The following NUP37 variants were observed in gnomAD, a reference collection of about 807,000 sequenced individuals.
NUP37 encodes the protein nucleoporin Nup37.
NUP37 carries 33 observed loss-of-function variants against 45.4 expected under a neutral mutation model. The ratio of observed to expected loss-of-function variants is 0.73; its 90% confidence interval spans 0.55 to 0.97. The LOEUF (loss-of-function observed/expected upper bound fraction) is 0.97, where lower values mean the gene tolerates loss of function less well. Ranked by LOEUF, NUP37 falls within the 50% of genes least tolerant of loss-of-function variation. The pLI, the probability that NUP37 is intolerant of heterozygous loss-of-function variation, is 0.00. For missense variants in NUP37, 365 were observed against 389.7 expected (o/e 0.94, Z 0.53); for synonymous variants, 127 against 130.7 (o/e 0.97, Z 0.19).
chr12:102,076,688 A>G lies in NUP37; in HGVS notation c.773+109T>C, dbSNP rs1056319147. The G allele has an allele frequency of 8.5e-6, 7 of 827,102 alleles. No individual in the cohort carries two copies. The African/African-American group carries it at 1.2e-4, about 14-fold the overall frequency. The allele number at this position is 827,102 out of a possible 1,614,324, so 51.2% of individuals were successfully genotyped here. ...GTAAAATAACCACTTATAAAACAATAAGGGAAAAAAAAAATCCAGTGCAAA... is the reference window on the plus strand; with the variant it reads ...GTAAAATAACCACTTATAAAACAATGAGGGAAAAAAAAAATCCAGTGCAAA... On this transcript the variant is annotated intron_variant, in intron 8 of 9. Coordinates refer to ENST00000552283, the MANE Select transcript of NUP37 (RefSeq NM_024057.4).
intron 6 of NUP37, among the ~76,000 whole-genome samples, chr12:102,078,855 C>T (rs905590689): frequency 1.9e-4 from 29 of 152,018 alleles, no homozygotes; most frequent in African/African-American, 6.0e-4. Flanking sequence ...CTTTATCAAA[C>T]GCACAAATTA....
Position 102,112,163 on chromosome 12 carries a change from C to CA in NUP37, c.225dup (p.Asp76Ter), listed in dbSNP as rs1309880692. The CA allele has an allele frequency of 1.9e-6, 3 of 1,613,866 alleles. No homozygotes were observed. The highest frequency in any genetic ancestry group is 2.2e-5 in the South Asian group (2 of 91,070). ...GTCTCTGGGCTCCAAGCTATGCCAT[C>CA]AACCCTGACTCCATGGTGAAATGTT... On this transcript the variant is annotated frameshift_variant, in exon 3 of 10. Coordinates refer to ENST00000552283, the MANE Select transcript of NUP37 (RefSeq NM_024057.4). LOFTEE classifies it high-confidence loss of function.
At chr12:102,091,785 T>C (rs1481659591) in intron 5 of NUP37, among the ~76,000 whole-genome samples, 1 of 152,128 alleles carries the variant, frequency 6.6e-6, no homozygotes, top group East Asian at 1.9e-4. Flanking sequence ...TCTCCTGACA[T>C]TGTGGTCCTA....
chr12:102,088,710 T>G (rs1329908510), intron 5 of NUP37, among the ~76,000 whole-genome samples: 2 of 150,794 alleles, frequency 1.3e-5, no homozygotes, highest in Non-Finnish European at 3.0e-5. Context: ...TTAATTTTTT[T>G]TTTTTTTTTT....
intron 3 of NUP37, among the ~76,000 whole-genome samples, chr12:102,101,521 C>T (rs557960095): frequency 1.4e-4 from 22 of 152,184 alleles, no homozygotes; most frequent in South Asian, 1.2e-3. Flanking sequence ...TCTTTGCCCT[C>T]TTCTGTTATC....
chr12:102,074,169 CAG>C lies in NUP37; in HGVS notation c.*183_*184del, dbSNP rs146378091. 0.041 allele frequency: 16,211 copies of C among 398,760 alleles called. 1,400 individuals are homozygous for C. Among genetic ancestry groups the C allele is most frequent in the East Asian group, 0.29 (7,040 of 23,978 alleles). 24.7% of individuals were successfully genotyped at this position (398,760 alleles called of 1,614,324 possible). On this transcript the variant is annotated 3_prime_UTR_variant, in exon 10 of 10. Coordinates refer to ENST00000552283, the MANE Select transcript of NUP37 (RefSeq NM_024057.4). ...TTAAAAATATATATATATACACACA[CAG>C]AGAACAGAGTAGAAAAATAATTTTT... is the stretch of plus-strand genomic sequence containing the variant.
At chr12:102,117,518 A>G (rs1321335683) in intron 2 of NUP37, among the ~76,000 whole-genome samples, 2 of 152,144 alleles carry the variant, frequency 1.3e-5, no homozygotes, top group African/African-American at 2.4e-5. Flanking sequence ...TTGAACCTTC[A>G]TTGTTCCAAG....
chr12:102,081,940 C>T (rs1168051454), intron 6 of NUP37, among the ~76,000 whole-genome samples: 4 of 152,112 alleles, frequency 2.6e-5, no homozygotes, highest in Non-Finnish European at 5.9e-5. Flanking sequence ...TCAAGTGATC[C>T]ACCTGTCTCG....
chr12:102,106,609 TATC>T (rs1198498496), intron 3 of NUP37, among the ~76,000 whole-genome samples: 2 of 152,200 alleles, frequency 1.3e-5, no homozygotes, highest in African/African-American at 4.8e-5. Flanking sequence ...TGTACACTCT[TATC>T]ATTACTTTCA....
intron 4 of NUP37, among the ~76,000 whole-genome samples, chr12:102,100,463 G>T (rs1297918814): frequency 6.6e-6 from 1 of 152,122 alleles, no homozygotes; most frequent in Non-Finnish European, 1.5e-5. Context: ...TATTCTAAGC[G>T]TTTTATATGA....
chr12:102,093,266 G>A (rs1879712508), intron 5 of NUP37, among the ~76,000 whole-genome samples: 1 of 151,940 alleles, frequency 6.6e-6, no homozygotes, highest in African/African-American at 2.4e-5. Context: ...CTTTGGGGAG[G>A]ATAAAAATTT....
intron 2 of NUP37, among the ~76,000 whole-genome samples, chr12:102,117,660 A>G (rs941355489): frequency 2.0e-5 from 3 of 152,176 alleles, no homozygotes; most frequent in Non-Finnish European, 4.4e-5. Context: ...AAACATACAT[A>G]TGGATTACAA....
At position 102,077,365 on chromosome 12, in the gene NUP37, C is replaced by T. The variant is rs555014325; in HGVS notation, c.679G>A (p.Val227Ile). The change falls in exon 7 of 10, where the codon GTT becomes ATT. Residue 227 changes from valine to isoleucine, a missense_variant. Physicochemically the swap from Val to Ile is conservative, Grantham distance 29 (BLOSUM62 3). Coordinates refer to ENST00000552283, the MANE Select transcript of NUP37 (RefSeq NM_024057.4). ...CLKNTFKVGA[V>I]AGNDWLIWDI... ...CAAATTAACCAATCATTTCCTGCAA[C>T]GGCTCCAACTTTGAAGGTGTTTTTT... is the stretch of plus-strand genomic sequence containing the variant. 5.4e-4 allele frequency: 867 copies of T among 1,614,102 alleles called. 11 individuals are homozygous for T. The South Asian group carries it at 7.9e-3, about 15-fold the overall frequency.
Position 102,120,110 on chromosome 12 carries a change from G to C in NUP37, c.-126C>G, listed in dbSNP as rs978990420. 1 of 172,722 alleles carries C rather than the reference G, an allele frequency of 5.8e-6. No individual in the cohort carries two copies. The highest frequency in any genetic ancestry group is 1.3e-5 in the Non-Finnish European group (1 of 78,762). The allele number at this position is 172,722 out of a possible 1,614,324, so 10.7% of individuals were successfully genotyped here. A position where few individuals can be genotyped will look rare whatever the true frequency, so the allele number is the denominator to read the frequency against. ...TCTTCCTTGGGGGCTGCCGCGACGC[G>C]CTGTGGCTCTGCTTCCGGGTCGGAG... is the stretch of plus-strand genomic sequence containing the variant. On this transcript the variant is annotated 5_prime_UTR_variant, in exon 1 of 10. Coordinates refer to ENST00000552283, the MANE Select transcript of NUP37 (RefSeq NM_024057.4).
chr12:102,116,828 CG>C (rs1880477879), intron 2 of NUP37, among the ~76,000 whole-genome samples: 1 of 151,742 alleles, frequency 6.6e-6, no homozygotes, highest in Non-Finnish European at 1.5e-5. Flanking sequence ...GGTGAAACCC[CG>C]TCTCTACTAA....
intron 6 of NUP37, among the ~76,000 whole-genome samples, chr12:102,085,417 G>C (rs920474737): frequency 6.6e-6 from 1 of 151,802 alleles, no homozygotes; most frequent in Non-Finnish European, 1.5e-5. Context: ...GTGAGACCCT[G>C]TCTAAAAAAA....
chr12:102,080,963 T>A (rs943066045), intron 6 of NUP37, among the ~76,000 whole-genome samples: 1 of 152,214 alleles, frequency 6.6e-6, no homozygotes, highest in Non-Finnish European at 1.5e-5. Context: ...CCGAAGGTAG[T>A]AGGGGCAATG....
chr12:102,085,223 C>T (rs1879434721), intron 6 of NUP37, among the ~76,000 whole-genome samples: 3 of 152,082 alleles, frequency 2.0e-5, no homozygotes, highest in Admixed American at 6.6e-5. Flanking sequence ...AGTTTGAGAG[C>T]ACCCTGGGTA....
At chr12:102,089,913 C>T (rs966002045) in intron 5 of NUP37, among the ~76,000 whole-genome samples, 4 of 152,104 alleles carry the variant, frequency 2.6e-5, no homozygotes, top group African/African-American at 9.7e-5. Context: ...TGCTGTAAGC[C>T]GTCTTGCATA....
Sources: gnomAD v4.1 joint callset for allele counts (sites outside exome capture counted in the v4.1 genomes callset) on GRCh38, gnomAD v4.1.1 for gene constraint, MANE v1.5 for transcripts, NCBI Gene and HGNC (gene_info 2026-07-23, HGNC 2026-07-21) for gene names.